The following PDIK1L variants were observed in gnomAD, a reference collection of about 807,000 sequenced individuals.
PDIK1L encodes PDLIM1 interacting kinase 1 like.
In PDIK1L, 9 loss-of-function variants were observed where a neutral mutation model predicts 27.1. The observed-to-expected ratio is 0.33, with a 90% confidence interval of 0.20 to 0.58. The LOEUF (loss-of-function observed/expected upper bound fraction) is 0.58, where lower values mean the gene tolerates loss of function less well. Ranked by LOEUF, PDIK1L falls within the 20% of genes least tolerant of loss-of-function variation. The pLI is 0.86. For synonymous variants in PDIK1L, 130 were observed against 141.7 expected (o/e 0.92, Z 0.59); for missense variants, 216 against 413.2 (o/e 0.52, Z 4.14).
chr1:26,121,485 A>G (rs78395193), intron 2 of PDIK1L, among the ~76,000 whole-genome samples: 4,969 of 152,332 alleles, frequency 0.033, 112 homozygotes, highest in Non-Finnish European at 0.055. Context: ...TCCTAGGTCT[A>G]TCTGCTGAAA....
rs373046897 is a variant in PDIK1L, at chr1:26,121,790, G to T, written c.286-47G>T. ...ATTATTATTTTCCTATAACTGAATTGTATAACCTATGCAAATGATTGTAAT... is the reference window on the plus strand; with the variant it reads ...ATTATTATTTTCCTATAACTGAATTTTATAACCTATGCAAATGATTGTAAT... On this transcript the variant is annotated intron_variant, in intron 2 of 2. Coordinates refer to ENST00000374269, the MANE Select transcript of PDIK1L (RefSeq NM_152835.5). 2.0e-5 allele frequency: 30 copies of T among 1,527,954 alleles called. No individual in the cohort carries two copies. The African/African-American group carries it at 3.3e-4, about 17-fold the overall frequency. The allele number at this position is 1,527,954 out of a possible 1,614,324, so 94.6% of individuals were successfully genotyped here. A position where few individuals can be genotyped will look rare whatever the true frequency, so the allele number is the denominator to read the frequency against.
chr1:26,112,648 AG>A (rs1262968221), intron 1 of PDIK1L: 1 of 152,224 alleles, frequency 6.6e-6, no homozygotes, highest in Non-Finnish European at 1.5e-5. Flanking sequence ...AGCGATTTGA[AG>A]GGTGGGTGTC....
chr1:26,124,340 G>T lies in PDIK1L; in HGVS notation c.*1763G>T, dbSNP rs1486576538. 2 of 152,022 alleles carry T rather than the reference G, an allele frequency of 1.3e-5. No individual in the cohort carries two copies. The highest frequency in any genetic ancestry group is 1.3e-4 in the Admixed American group (2 of 15,264). 9.4% of individuals were successfully genotyped at this position (152,022 alleles called of 1,614,324 possible). A position where few individuals can be genotyped will look rare whatever the true frequency, so the allele number is the denominator to read the frequency against. On this transcript the variant is annotated 3_prime_UTR_variant, in exon 3 of 3. Coordinates refer to ENST00000374269, the MANE Select transcript of PDIK1L (RefSeq NM_152835.5). ...ATCACTTTTAAGCTAATAAATATAAGAATTCTTTTGGAAATTAGAGGTGGA... is the reference window on the plus strand; with the variant it reads ...ATCACTTTTAAGCTAATAAATATAATAATTCTTTTGGAAATTAGAGGTGGA...
Position 26,124,362 on chromosome 1 carries a change from T to C in PDIK1L, c.*1785T>C, listed in dbSNP as rs2088042403. ...TAAGAATTCTTTTGGAAATTAGAGGTGGAAACACACTGGAACCTCATGATA... is the reference window on the plus strand; with the variant it reads ...TAAGAATTCTTTTGGAAATTAGAGGCGGAAACACACTGGAACCTCATGATA... On this transcript the variant is annotated 3_prime_UTR_variant, in exon 3 of 3. Coordinates refer to ENST00000374269, the MANE Select transcript of PDIK1L (RefSeq NM_152835.5). The C allele has an allele frequency of 6.6e-6, 1 of 152,164 alleles. No individual in the cohort carries two copies. The highest frequency in any genetic ancestry group is 1.5e-5 in the Non-Finnish European group (1 of 68,008). The allele number at this position is 152,164 out of a possible 1,614,324, so 9.4% of individuals were successfully genotyped here.
At chr1:26,112,744 C>T (rs2087817995) in intron 1 of PDIK1L, 1 of 152,206 alleles carries the variant, frequency 6.6e-6, no homozygotes, top group Non-Finnish European at 1.5e-5. Flanking sequence ...GCAGTGGATC[C>T]CAACTTCTCA....
intron 2 of PDIK1L, among the ~76,000 whole-genome samples, chr1:26,119,582 G>T (rs540442758): frequency 3.3e-5 from 5 of 152,278 alleles, no homozygotes; most frequent in Admixed American, 1.3e-4. Context: ...GAAAGAAGAG[G>T]CTGGGCGCAG....
chr1:26,117,089 T>G (rs1399650572), intron 2 of PDIK1L, among the ~76,000 whole-genome samples: 1 of 138,558 alleles, frequency 7.2e-6, no homozygotes, highest in Non-Finnish European at 1.5e-5. Context: ...TGGAGTGCAG[T>G]GGTGCGATCT....
Position 26,121,885 on chromosome 1 carries a change from G to T in PDIK1L, c.334G>T (p.Ala112Ser), listed in dbSNP as rs765003004. The stretch of plus-strand genomic sequence containing the variant: ...AGAAATTGCCTTTGATCCCAGAAGC[G>T]CCTATTATTTGTGGTTTGTGATGGA... ...KGEIAFDPRSAYYLWFVMDFC... is the reference protein window; with the variant it reads ...KGEIAFDPRSSYYLWFVMDFC... Residue 112 changes from alanine (A) to serine (S), a missense_variant, in exon 3 of 3, where the codon GCC becomes TCC. Ala to Ser is a moderately conservative substitution (Grantham distance 99). Coordinates refer to ENST00000374269, the MANE Select transcript of PDIK1L (RefSeq NM_152835.5). 6.2e-7 allele frequency: 1 copy of T among 1,613,388 alleles called. No homozygotes were observed. The highest frequency in any genetic ancestry group is 8.5e-7 in the Non-Finnish European group (1 of 1,179,806).
At chr1:26,112,094 C>G (rs558207681) in intron 1 of PDIK1L, among the ~76,000 whole-genome samples, 179 bp downstream of exon 1, 3 of 152,300 alleles carry the variant, frequency 2.0e-5, no homozygotes, top group African/African-American at 7.2e-5. Context: ...GGGCCACCTC[C>G]CCCCGGCCCT....
chr1:26,112,475 C>T (rs189539534), intron 1 of PDIK1L: 1 of 152,332 alleles, frequency 6.6e-6, no homozygotes, highest in Admixed American at 6.5e-5. Context: ...TGCTCTTCCC[C>T]ATGGGGACTG....
rs565831767 is a variant in PDIK1L, at chr1:26,122,919, C to G, written c.*342C>G. ...CATTCCTCGTCAGTATTAGGAATTT[C>G]CATGGGAAAAGAGGTTTGCATGCTG... On this transcript the variant is annotated 3_prime_UTR_variant, in exon 3 of 3. Coordinates refer to ENST00000374269, the MANE Select transcript of PDIK1L (RefSeq NM_152835.5). The surrounding 1 kb of genome is among the most constrained non-coding windows in gnomAD (Gnocchi z 5.4). 1 of 173,008 alleles carries G rather than the reference C, an allele frequency of 5.8e-6. No homozygotes were observed. Among genetic ancestry groups the G allele is most frequent in the South Asian group, 1.7e-4 (1 of 5,984 alleles). The allele number at this position is 173,008 out of a possible 1,614,324, so 10.7% of individuals were successfully genotyped here. A position where few individuals can be genotyped will look rare whatever the true frequency, so the allele number is the denominator to read the frequency against.
chr1:26,119,924 C>CA (rs2087949174), intron 2 of PDIK1L, among the ~76,000 whole-genome samples: 2 of 152,252 alleles, frequency 1.3e-5, no homozygotes, highest in South Asian at 4.1e-4. Flanking sequence ...CTAGAGGGGA[C>CA]AGCAGGAGTC....
intron 2 of PDIK1L, among the ~76,000 whole-genome samples, chr1:26,116,457 G>A (rs1438510434): frequency 1.3e-5 from 2 of 152,208 alleles, no homozygotes; most frequent in Non-Finnish European, 2.9e-5. Flanking sequence ...AGAGGTTGCA[G>A]TGAACTGACA....
chr1:26,116,043 A>T (rs866598206), intron 2 of PDIK1L, among the ~76,000 whole-genome samples: 48 of 152,046 alleles, frequency 3.2e-4, no homozygotes, highest in African/African-American at 1.0e-3. Flanking sequence ...TCTACTAAAA[A>T]ACTACAAAAA....
At chr1:26,112,199 G>T (rs1044763303) in intron 1 of PDIK1L, among the ~76,000 whole-genome samples, 15 of 152,224 alleles carry the variant, frequency 9.9e-5, no homozygotes, top group African/African-American at 3.6e-4. Flanking sequence ...ATCTGAGCAC[G>T]GCCGAGGAGG....
At chr1:26,119,840 A>C (rs2087947796) in intron 2 of PDIK1L, among the ~76,000 whole-genome samples, 1 of 152,192 alleles carries the variant, frequency 6.6e-6, no homozygotes, top group Admixed American at 6.5e-5. Flanking sequence ...GCCTGGCAAC[A>C]GAGTGAGACT....
rs2087829833 is a variant in PDIK1L at position 26,113,450 on chromosome 1, T to C, written c.-17-842T>C. Among the ~76,000 whole-genome samples, 3 of 143,970 alleles carry C rather than the reference T, an allele frequency of 2.1e-5. No individual in the cohort carries two copies. The Admixed American group carries it at 2.2e-4, about 10-fold the overall frequency. 94.4% of individuals were successfully genotyped at this position (143,970 alleles called of 152,430 possible). On this transcript the variant is annotated intron_variant, in intron 1 of 2. Transcript: ENST00000374269. Reference sequence around the variant, plus strand: ...GAGCTTGCAGTGAGCCGAGATCAAGTCATTGCACTCCAGCCTGGGAGACAG... The same window carrying C: ...GAGCTTGCAGTGAGCCGAGATCAAGCCATTGCACTCCAGCCTGGGAGACAG...
At position 26,124,223 on chromosome 1, in the gene PDIK1L, ATGTT is replaced by A. The variant is rs995806743; in HGVS notation, c.*1647_*1650del. On this transcript the variant is annotated 3_prime_UTR_variant, in exon 3 of 3. Coordinates refer to ENST00000374269, the MANE Select transcript of PDIK1L (RefSeq NM_152835.5). Reference sequence around the variant, plus strand: ...TTGCAGTACATAAAATTTCTGGACTATGTTAGTTACTTGATCTGGAAGTTTAAAA... The same window carrying A: ...TTGCAGTACATAAAATTTCTGGACTAAGTTACTTGATCTGGAAGTTTAAAA... 5.2e-5 allele frequency: 8 copies of A among 152,508 alleles called. No individual in the cohort carries two copies. Among genetic ancestry groups the A allele is most frequent in the East Asian group, 1.9e-4 (1 of 5,202 alleles). The allele number at this position is 152,508 out of a possible 1,614,324, so 9.4% of individuals were successfully genotyped here. A position where few individuals can be genotyped will look rare whatever the true frequency, so the allele number is the denominator to read the frequency against.
rs1380935950 is a variant in PDIK1L, at chr1:26,114,476, A to G, written c.168A>G (p.Ala56=). The G allele has an allele frequency of 6.2e-7, 1 of 1,614,202 alleles. No individual in the cohort carries two copies. The highest frequency in any genetic ancestry group is 1.7e-5 in the Admixed American group (1 of 60,018). ...NVELALREFW[A]LSSIKSQHPN... ...AACTAGCCCTTCGTGAGTTCTGGGCACTAAGCAGTATCAAGAGCCAACATC... is the reference window on the plus strand; with the variant it reads ...AACTAGCCCTTCGTGAGTTCTGGGCGCTAAGCAGTATCAAGAGCCAACATC... Residue 56 remains alanine (A), a synonymous_variant, in exon 2 of 3, where the codon GCA becomes GCG. Transcript: ENST00000374269. The surrounding 1 kb of genome is among the most constrained non-coding windows in gnomAD (Gnocchi z 4.8).
Sources: allele counts gnomAD v4.1 joint callset (sites outside exome capture counted in the v4.1 genomes callset), GRCh38; gene constraint gnomAD v4.1.1; non-coding constraint Gnocchi (gnomAD v3.1); transcripts MANE v1.5; gene names NCBI Gene and HGNC (gene_info 2026-07-23, HGNC 2026-07-21).